Variants in NGEF observed in about 807,000 individuals in gnomAD.
The protein encoded by NGEF is ephexin-1.
NGEF carries 31 observed loss-of-function variants against 80.9 expected under a neutral mutation model. The observed-to-expected ratio is 0.38, with a 90% CI of 0.29 to 0.52. The LOEUF (loss-of-function observed/expected upper bound fraction) is 0.52. Ranked by LOEUF, NGEF falls within the 20% of genes least tolerant of loss-of-function variation. The probability of loss-of-function intolerance (pLI) is 0.84; values close to 1 mark genes in which losing one functional copy is unlikely to be tolerated. For synonymous variants in NGEF, 371 were observed against 370.2 expected, an observed-to-expected ratio of 1.00 and a Z score of -0.03; for missense variants, 709 against 926.2, an observed-to-expected ratio of 0.77 and a Z score of 3.04.
chr2:232,999,787 G>A (rs13404304), intron 1 of NGEF, among the ~76,000 whole-genome samples: 38,377 of 152,188 alleles, frequency 0.25, 5,109 homozygotes, highest in Non-Finnish European at 0.28. Flanking sequence ...AAAGCCCAGT[G>A]GGGATGTTTA....
At chr2:232,932,182 T>TTTTG (rs1693228973) in intron 3 of NGEF, among the ~76,000 whole-genome samples, 1 of 150,150 alleles carries the variant, frequency 6.7e-6, no homozygotes, top group African/African-American at 2.5e-5. Context: ...TTTTTTTTTT[T>TTTTG]GAGACAGAAT....
intron 1 of NGEF, among the ~76,000 whole-genome samples, chr2:233,009,139 A>G (rs1695150744): frequency 6.6e-6 from 1 of 152,050 alleles, no homozygotes; most frequent in Admixed American, 6.6e-5. Flanking sequence ...GACAATAAGT[A>G]TCTTTATTCT....
At position 232,970,374 on chromosome 2, in the gene NGEF, C is replaced by G; in HGVS notation, c.269-46G>C. On this transcript the variant is annotated intron_variant, in intron 2 of 14. Coordinates refer to ENST00000264051, the MANE Select transcript of NGEF (RefSeq NM_019850.3). ...AGCAAGTTAGAAGATACAGATCAAC[C>G]CTTTTCAGGCAATTCTCTGTAAGCC... The G allele has an allele frequency of 3.2e-6, 4 of 1,259,876 alleles. No individual in the cohort carries two copies. The Middle Eastern group carries it at 5.6e-4, about 176-fold the overall frequency. The allele number at this position is 1,259,876 out of a possible 1,614,324, so 78.0% of individuals were successfully genotyped here.
At chr2:232,891,859 GAC>G (rs900819100) in intron 7 of NGEF, among the ~76,000 whole-genome samples, 1 of 152,176 alleles carries the variant, frequency 6.6e-6, no homozygotes, top group Non-Finnish European at 1.5e-5. Flanking sequence ...ACACCACCAG[GAC>G]AGCCTGCACT....
At chr2:233,008,551 G>T (rs1428179245) in intron 1 of NGEF, among the ~76,000 whole-genome samples, 6 of 152,210 alleles carry the variant, frequency 3.9e-5, no homozygotes, top group African/African-American at 1.4e-4. Flanking sequence ...GGACCTGGGG[G>T]TCAAGGGCCT....
intron 3 of NGEF, among the ~76,000 whole-genome samples, chr2:232,930,826 C>T (rs13391061): frequency 0.16 from 24,895 of 152,182 alleles, 2,586 homozygotes; most frequent in Non-Finnish European, 0.22. Context: ...CCCCAAAAGT[C>T]GTGTGCTTCT....
chr2:232,996,725 C>T (rs947860862), intron 1 of NGEF, among the ~76,000 whole-genome samples: 3 of 152,168 alleles, frequency 2.0e-5, no homozygotes, highest in Admixed American at 2.0e-4. Context: ...GAACTCCTAA[C>T]CTCAGGTGAT....
At chr2:232,996,648 C>T (rs1032079700) in intron 1 of NGEF, among the ~76,000 whole-genome samples, 2 of 152,098 alleles carry the variant, frequency 1.3e-5, no homozygotes, top group East Asian at 1.9e-4. Context: ...AAGCGCACCA[C>T]CACGCCTGGC....
At chr2:232,883,076 C>T (rs889120147) in intron 12 of NGEF, among the ~76,000 whole-genome samples, 38 of 148,528 alleles carry the variant, frequency 2.6e-4, no homozygotes, top group African/African-American at 9.1e-4. Context: ...CACACACACA[C>T]ACACACGCAC....
At chr2:232,981,748 G>A (rs796859290) in intron 1 of NGEF, among the ~76,000 whole-genome samples, 17 of 152,254 alleles carry the variant, frequency 1.1e-4, no homozygotes, top group African/African-American at 3.9e-4. Context: ...AGACTGATTT[G>A]AGTAATAATA....
At chr2:232,899,629 C>A (rs1692213445) in intron 5 of NGEF, among the ~76,000 whole-genome samples, 1 of 127,764 alleles carries the variant, frequency 7.8e-6, no homozygotes, top group Admixed American at 7.3e-5. Context: ...CATGCTCTCA[C>A]AGTCACTCAT....
intron 3 of NGEF, among the ~76,000 whole-genome samples, chr2:232,934,536 C>T (rs566625990): frequency 6.6e-6 from 1 of 152,192 alleles, no homozygotes; most frequent in East Asian, 1.9e-4. Context: ...GGCATGTAAC[C>T]TTCAGCTAAA....
intron 4 of NGEF, 52 bp from the exon 5 acceptor site, chr2:232,920,637 C>G (rs1173418381): frequency 1.3e-6 from 2 of 1,484,120 alleles, no homozygotes; most frequent in Admixed American, 2.3e-5. Flanking sequence ...AGATGACAAT[C>G]ATTAGAAATC....
chr2:232,996,715 G>A (rs183564744), intron 1 of NGEF, among the ~76,000 whole-genome samples: 3 of 152,194 alleles, frequency 2.0e-5, no homozygotes, highest in East Asian at 1.9e-4. Flanking sequence ...GGCTGGGCTC[G>A]AACTCCTAAC....
At chr2:233,011,437 G>A (rs1695200425) in intron 1 of NGEF, among the ~76,000 whole-genome samples, 1 of 152,104 alleles carries the variant, frequency 6.6e-6, no homozygotes, top group Admixed American at 6.5e-5. Context: ...ACAAACAGCA[G>A]CTCCTGCGCC....
intron 1 of NGEF, among the ~76,000 whole-genome samples, chr2:233,000,434 G>A (rs2106342746): frequency 6.6e-6 from 1 of 151,878 alleles, no homozygotes; most frequent in African/African-American, 2.4e-5. Flanking sequence ...TCCATCATGG[G>A]GCCCCACCCT....
chr2:232,928,056 G>A lies in NGEF; in HGVS notation c.384-870C>T, dbSNP rs932939241. ...GGTCGGGGGCCACGCCGGGGCCCTG[G>A]GCTGGGTCGGGGGCGACTAGCGGGC... On this transcript the variant is annotated intron_variant, in intron 3 of 14. Transcript: ENST00000264051. 5.3e-5 allele frequency: 62 copies of A among 1,165,278 alleles called. No individual in the cohort carries two copies. In the African/African-American group the frequency reaches 9.9e-4, roughly 19 times the overall value. 72.2% of individuals were successfully genotyped at this position (1,165,278 alleles called of 1,614,324 possible). A position where few individuals can be genotyped will look rare whatever the true frequency, so the allele number is the denominator to read the frequency against.
chr2:232,948,436 T>C (rs748800189), intron 3 of NGEF, among the ~76,000 whole-genome samples: 25 of 152,156 alleles, frequency 1.6e-4, no homozygotes, highest in Non-Finnish European at 3.1e-4. Flanking sequence ...AGGATGTCTT[T>C]ATTCTTAAAA....
intron 1 of NGEF, among the ~76,000 whole-genome samples, chr2:232,985,995 G>A (rs1323105105): frequency 6.6e-6 from 1 of 151,652 alleles, no homozygotes; most frequent in Non-Finnish European, 1.5e-5. Context: ...GGACCAGCAG[G>A]CTCTTCCACT....
Sources: allele counts gnomAD v4.1 joint callset (sites outside exome capture counted in the v4.1 genomes callset), GRCh38; gene constraint gnomAD v4.1.1; transcripts MANE v1.5; gene names NCBI Gene and HGNC (gene_info 2026-07-23, HGNC 2026-07-21).